ASIC2: variants seen among roughly 807,000 people sequenced by gnomAD.
ASIC2 encodes the protein acid-sensing ion channel 2.
In ASIC2, 25 loss-of-function variants were observed where a neutral mutation model predicts 57.3. That is an observed-to-expected ratio of 0.44 (90% CI 0.32 to 0.61). The LOEUF is 0.61. Among genes scored for constraint, ASIC2 ranks in the 20% least tolerant of loss-of-function variants. The pLI is 0.06. For synonymous variants in ASIC2, 319 were observed against 307.5 expected (o/e 1.04, Z -0.39); for missense variants, 641 against 738.1 (o/e 0.87, Z 1.52).
At chr17:33,269,178 T>G (rs567890379) in intron 1 of ASIC2, among the ~76,000 whole-genome samples, 145 of 152,282 alleles carry the variant, frequency 9.5e-4, no homozygotes, top group Non-Finnish European at 1.9e-3. Context: ...TTTTTGTGTT[T>G]AATTTTTGAC....
At chr17:33,490,330 C>G (rs779149432) in intron 1 of ASIC2, among the ~76,000 whole-genome samples, 2 of 152,062 alleles carry the variant, frequency 1.3e-5, no homozygotes, top group Non-Finnish European at 2.9e-5. Context: ...TACATGATAC[C>G]CCGTTAGGTG....
chr17:34,135,611 A>G (rs1046486073), intron 1 of ASIC2, among the ~76,000 whole-genome samples: 2 of 152,092 alleles, frequency 1.3e-5, no homozygotes, highest in African/African-American at 4.8e-5. Context: ...CATAGACTTA[A>G]ATCTTCCCTT....
intron 1 of ASIC2, among the ~76,000 whole-genome samples, chr17:34,077,652 A>G (rs1909720883): frequency 6.6e-6 from 1 of 152,108 alleles, no homozygotes; most frequent in African/African-American, 2.4e-5. Flanking sequence ...TCTACTCTTC[A>G]GTGAGGTGTT....
At chr17:33,386,222 A>G (rs559562611) in intron 1 of ASIC2, among the ~76,000 whole-genome samples, 1 of 152,270 alleles carries the variant, frequency 6.6e-6, no homozygotes, top group South Asian at 2.1e-4. Context: ...GATGACAGAA[A>G]CTTTTATCTC....
intron 1 of ASIC2, among the ~76,000 whole-genome samples, chr17:33,405,545 G>A (rs1234418397): frequency 8.1e-5 from 12 of 148,190 alleles, no homozygotes; most frequent in East Asian, 8.0e-4. Context: ...GAGCAGTGGC[G>A]CGATCTTGGC....
At chr17:33,705,229 G>A (rs929929959) in intron 1 of ASIC2, among the ~76,000 whole-genome samples, 5 of 152,092 alleles carry the variant, frequency 3.3e-5, no homozygotes, top group Non-Finnish European at 7.4e-5. Context: ...ATATAGAATT[G>A]AAAGTCTCCC....
intron 1 of ASIC2, among the ~76,000 whole-genome samples, chr17:33,369,370 G>A (rs1908953474): frequency 6.6e-6 from 1 of 152,188 alleles, no homozygotes; most frequent in African/African-American, 2.4e-5. Flanking sequence ...CCCAGAGGTA[G>A]CAATTAGACA....
chr17:34,038,420 T>C (rs1907975154), intron 1 of ASIC2: 3 of 1,612,124 alleles, frequency 1.9e-6, no homozygotes, highest in East Asian at 2.2e-5. Context: ...ATGCTTGTGG[T>C]AATTCTCCTT....
At chr17:33,532,581 A>G (rs1418770028) in intron 1 of ASIC2, among the ~76,000 whole-genome samples, 1 of 152,226 alleles carries the variant, frequency 6.6e-6, no homozygotes, top group African/African-American at 2.4e-5. Context: ...AAGATGCTGT[A>G]AAAAGGTGGC....
At chr17:33,018,883 C>T (rs547938936) in intron 7 of ASIC2, among the ~76,000 whole-genome samples, 4 of 152,286 alleles carry the variant, frequency 2.6e-5, no homozygotes, top group South Asian at 2.1e-4. Flanking sequence ...CCAGCTTGAC[C>T]TCTTGGCCTG....
intron 1 of ASIC2, among the ~76,000 whole-genome samples, chr17:34,023,745 C>A (rs982487583): frequency 1.3e-5 from 2 of 152,156 alleles, no homozygotes; most frequent in African/African-American, 4.8e-5. Flanking sequence ...TTGGACCTCC[C>A]AGCCTCCAGA....
intron 1 of ASIC2, among the ~76,000 whole-genome samples, chr17:33,503,541 G>A (rs1914162362): frequency 6.6e-6 from 1 of 152,070 alleles, no homozygotes; most frequent in Non-Finnish European, 1.5e-5. Context: ...GATAAAAGAC[G>A]GAGCCTTGGG....
At chr17:34,101,585 A>G (rs1348454283) in intron 1 of ASIC2, among the ~76,000 whole-genome samples, 1 of 152,192 alleles carries the variant, frequency 6.6e-6, no homozygotes, top group African/African-American at 2.4e-5. Flanking sequence ...AAAAGATTTT[A>G]AAGGCCTGTG....
At chr17:33,660,347 TA>T (rs141606293) in intron 1 of ASIC2, among the ~76,000 whole-genome samples, 37 of 151,258 alleles carry the variant, frequency 2.4e-4, no homozygotes, top group Non-Finnish European at 4.4e-4. Context: ...ACTTTTTAAT[TA>T]AAAAAAAATG....
intron 1 of ASIC2, among the ~76,000 whole-genome samples, chr17:33,331,261 G>A (rs1907301410): frequency 6.6e-6 from 1 of 152,112 alleles, no homozygotes; most frequent in African/African-American, 2.4e-5. Flanking sequence ...CCACAAAACT[G>A]GTCCCTGGTG....
At position 33,705,032 on chromosome 17, in the gene ASIC2, T is replaced by A. The variant is rs1397943768; in HGVS notation, c.555+450946A>T. Among the ~76,000 whole-genome samples, 6 of 152,332 alleles carry A rather than the reference T, an allele frequency of 3.9e-5. 1 individual carries two copies. Among genetic ancestry groups the A allele is most frequent in the African/African-American group, 1.4e-4 (6 of 41,582 alleles). ...TATGTCTTCCAGGGAACAACATGAATGTCAGTGTCATTTAACTGGAGACTT... is the reference window on the plus strand; with the variant it reads ...TATGTCTTCCAGGGAACAACATGAAAGTCAGTGTCATTTAACTGGAGACTT... On this transcript the variant is annotated intron_variant, in intron 1 of 9. Coordinates refer to the ASIC2 transcript ENST00000359872.
chr17:33,784,409 A>G (rs1176563852), intron 1 of ASIC2, among the ~76,000 whole-genome samples: 2 of 152,180 alleles, frequency 1.3e-5, no homozygotes. Context: ...AGTGAATGTG[A>G]TGGTGAACCA....
chr17:33,892,106 C>G (rs1211962078), intron 1 of ASIC2, among the ~76,000 whole-genome samples: 2 of 152,168 alleles, frequency 1.3e-5, no homozygotes, highest in Admixed American at 1.3e-4. Context: ...AGGACTACAA[C>G]AGTGAATAAA....
intron 1 of ASIC2, among the ~76,000 whole-genome samples, chr17:33,224,232 G>T (rs1193936414): frequency 6.6e-6 from 1 of 152,202 alleles, no homozygotes; most frequent in Non-Finnish European, 1.5e-5. Context: ...TAATTATTAT[G>T]CACTTGCTTT....
Sources: gnomAD v4.1 joint callset for allele counts (sites outside exome capture counted in the v4.1 genomes callset) on GRCh38, gnomAD v4.1.1 for gene constraint, MANE v1.5 for transcripts, NCBI Gene and HGNC (gene_info 2026-07-23, HGNC 2026-07-21) for gene names.